Variants in NFIB observed in about 807,000 individuals in gnomAD.
NFIB encodes nuclear factor 1 B-type.
In NFIB, 11 loss-of-function variants were observed where a neutral mutation model predicts 61.5. That is an observed-to-expected ratio of 0.18 (90% CI 0.11 to 0.30). The LOEUF (loss-of-function observed/expected upper bound fraction) is 0.30, where lower values mean the gene tolerates loss of function less well. NFIB is among the 10% of genes least tolerant of loss of function. The probability of loss-of-function intolerance (pLI) is 1.00; values close to 1 mark genes in which losing one functional copy is unlikely to be tolerated. For synonymous variants in NFIB, 260 were observed against 216.5 expected (o/e 1.20, Z -1.76); for missense variants, 471 against 608.9 (o/e 0.77, Z 2.38).
At chr9:14,379,827 T>A (rs1317376633) in intron 1 of NFIB, among the ~76,000 whole-genome samples, 1 of 151,974 alleles carries the variant, frequency 6.6e-6, no homozygotes, top group African/African-American at 2.4e-5. Context: ...GAATTACAGG[T>A]GCCTGCCACC....
At chr9:14,341,113 T>G (rs1325188377) in intron 1 of NFIB, among the ~76,000 whole-genome samples, 1 of 152,212 alleles carries the variant, frequency 6.6e-6, no homozygotes, top group Non-Finnish European at 1.5e-5. Flanking sequence ...CCAAGAAGAA[T>G]GCAAGACAGG....
At chr9:14,160,360 A>C (rs1282080988) in intron 3 of NFIB, among the ~76,000 whole-genome samples, 1 of 152,248 alleles carries the variant, frequency 6.6e-6, no homozygotes, top group African/African-American at 2.4e-5. Context: ...AATGTTAAAC[A>C]ACATTTACAT....
chr9:14,313,339 G>T lies in NFIB; in HGVS notation c.30+143C>A. 1 of 1,180,768 alleles carries T rather than the reference G, an allele frequency of 8.5e-7. No homozygotes were observed. The highest frequency in any genetic ancestry group is 1.1e-6 in the Non-Finnish European group (1 of 871,330). The allele number at this position is 1,180,768 out of a possible 1,614,324, so 73.1% of individuals were successfully genotyped here. A position where few individuals can be genotyped will look rare whatever the true frequency, so the allele number is the denominator to read the frequency against. On this transcript the variant is annotated intron_variant, in intron 1 of 10. Coordinates refer to ENST00000380953, the MANE Select transcript of NFIB (RefSeq NM_001190737.2). The surrounding 1 kb of genome is among the most constrained non-coding windows in gnomAD (Gnocchi z 4.5). Reference sequence around the variant, plus strand: ...GCTCCCGGCTCCCACGCCGCCCCGCGACGCCCGCTGCAACTCCGGGCCACT... The same window carrying T: ...GCTCCCGGCTCCCACGCCGCCCCGCTACGCCCGCTGCAACTCCGGGCCACT...
chr9:14,113,763 T>C (rs2037725315), intron 9 of NFIB, among the ~76,000 whole-genome samples: 1 of 152,212 alleles, frequency 6.6e-6, no homozygotes, highest in South Asian at 2.1e-4. Context: ...GGAAGAAAGC[T>C]GATGCACCTT....
chr9:14,085,930 C>T lies in NFIB; in HGVS notation c.*2379G>A, dbSNP rs2032802123. On this transcript the variant is annotated 3_prime_UTR_variant, in exon 11 of 11. Transcript: ENST00000380953. Reference sequence around the variant, plus strand: ...TGGACATTTCAACAAATATTTTTGCCAAATATGAGACAGGCTCACTCTCCA... The same window carrying T: ...TGGACATTTCAACAAATATTTTTGCTAAATATGAGACAGGCTCACTCTCCA... The T allele has an allele frequency of 4.4e-6, 1 of 227,962 alleles. No individual in the cohort carries two copies. Among genetic ancestry groups the T allele is most frequent in the Admixed American group, 5.7e-5 (1 of 17,590 alleles). The allele number at this position is 227,962 out of a possible 1,614,324, so 14.1% of individuals were successfully genotyped here.
intron 6 of NFIB, among the ~76,000 whole-genome samples, chr9:14,131,118 A>C (rs1204637164): frequency 2.0e-5 from 3 of 152,174 alleles, no homozygotes; most frequent in African/African-American, 4.8e-5. Flanking sequence ...AATTTTTTTA[A>C]AAAGATTCAC....
At chr9:14,455,415 C>T in the NFIB span, among the ~76,000 whole-genome samples, 3 of 152,002 alleles carry the variant, frequency 2.0e-5, no homozygotes, top group African/African-American at 7.3e-5. Flanking sequence ...GTCGCAATAG[C>T]CAGGTGAGAG....
At chr9:14,182,974 T>C (rs1445240061) in intron 2 of NFIB, among the ~76,000 whole-genome samples, 2 of 152,086 alleles carry the variant, frequency 1.3e-5, no homozygotes, top group Non-Finnish European at 2.9e-5. Context: ...GATATTAATA[T>C]TAAGCATAGA....
intron 2 of NFIB, among the ~76,000 whole-genome samples, chr9:14,197,435 T>C (rs1037053558): frequency 2.0e-5 from 3 of 152,326 alleles, no homozygotes; most frequent in East Asian, 3.9e-4. Context: ...TTCTTCCAAT[T>C]GAGTTATTTG....
At chr9:14,218,894 T>C (rs2051278844) in intron 2 of NFIB, among the ~76,000 whole-genome samples, 1 of 152,166 alleles carries the variant, frequency 6.6e-6, no homozygotes, top group Admixed American at 6.5e-5. Context: ...ACCTATTTGT[T>C]TACCTTACTC....
chr9:14,300,134 C>T, intron 2 of NFIB: 1 of 398,362 alleles, frequency 2.5e-6, no homozygotes, highest in Non-Finnish European at 4.4e-6. Flanking sequence ...AACCGCATCA[C>T]AAAACTGGAG....
chr9:14,342,768 T>C (rs911060952), intron 1 of NFIB, among the ~76,000 whole-genome samples: 5 of 152,128 alleles, frequency 3.3e-5, no homozygotes, highest in African/African-American at 7.2e-5. Context: ...TAAATATGCA[T>C]CCATATACAC....
the NFIB span, among the ~76,000 whole-genome samples, chr9:14,472,610 G>A: frequency 1.3e-5 from 2 of 152,112 alleles, no homozygotes; most frequent in Admixed American, 6.5e-5. Context: ...GGAGGCTGAG[G>A]GCAGGTGGAT....
intron 2 of NFIB, among the ~76,000 whole-genome samples, chr9:14,222,770 T>TG (rs1376346024): frequency 1.9e-5 from 2 of 107,248 alleles, no homozygotes; most frequent in Non-Finnish European, 3.4e-5. Flanking sequence ...CACTCCAGCC[T>TG]GGGCAACAGA....
chr9:14,386,160 G>C (rs1250965986), intron 1 of NFIB, among the ~76,000 whole-genome samples: 1 of 152,124 alleles, frequency 6.6e-6, no homozygotes, highest in Non-Finnish European at 1.5e-5. Context: ...TTAGGTTTTT[G>C]AGTATATATT....
At chr9:14,351,818 T>C (rs1190104184) in intron 1 of NFIB, among the ~76,000 whole-genome samples, 1 of 152,232 alleles carries the variant, frequency 6.6e-6, no homozygotes, top group Non-Finnish European at 1.5e-5. Flanking sequence ...TGTGTCTCAT[T>C]GCTTTACAGA....
intron 1 of NFIB, among the ~76,000 whole-genome samples, chr9:14,326,488 T>C (rs1003488904): frequency 6.6e-6 from 1 of 152,210 alleles, no homozygotes. Flanking sequence ...ATGCTGCACC[T>C]GTGCACACAT....
chr9:14,121,994 T>C (rs760563441), intron 7 of NFIB, among the ~76,000 whole-genome samples: 12 of 152,110 alleles, frequency 7.9e-5, no homozygotes, highest in Non-Finnish European at 1.8e-4. Flanking sequence ...CAAATATATG[T>C]AGAAGTGAAA....
At chr9:14,524,523 T>A in the NFIB span, among the ~76,000 whole-genome samples, 1 of 152,168 alleles carries the variant, frequency 6.6e-6, no homozygotes, top group Non-Finnish European at 1.5e-5. Flanking sequence ...TGGTACAAGC[T>A]AAGGTGCAAA....
Sources: allele counts gnomAD v4.1 joint callset (sites outside exome capture counted in the v4.1 genomes callset), GRCh38; gene constraint gnomAD v4.1.1; non-coding constraint Gnocchi (gnomAD v3.1); transcripts MANE v1.5; gene names NCBI Gene and HGNC (gene_info 2026-07-23, HGNC 2026-07-21).